STX8: variants seen among roughly 807,000 people sequenced by gnomAD.
STX8 encodes the protein syntaxin 8.
STX8 carries 23 observed loss-of-function variants against 37.5 expected under a neutral mutation model. The ratio of observed to expected loss-of-function variants is 0.61; its 90% CI spans 0.44 to 0.87. STX8 has a LOEUF of 0.87. Among genes scored for constraint, STX8 ranks in the 40% least tolerant of loss-of-function variants. The pLI, the probability that STX8 is intolerant of heterozygous loss-of-function variation, is 0.00. For synonymous variants in STX8, 115 were observed against 99.1 expected, an observed-to-expected ratio of 1.16 and a Z score of -0.95; for missense variants, 313 against 284.7, an observed-to-expected ratio of 1.10 and a Z score of -0.71.
intron 5 of STX8, among the ~76,000 whole-genome samples, 160 bp from the exon 6 acceptor site, chr17:9,492,081 C>A (rs111617739): frequency 0.016 from 2,365 of 152,142 alleles, 58 homozygotes; most frequent in African/African-American, 0.053. Flanking sequence ...AAACTAAACA[C>A]CTACCTGACA....
chr17:9,255,557 T>TATAA (rs35589958), intron 7 of STX8, among the ~76,000 whole-genome samples: 56,009 of 109,406 alleles, frequency 0.51, 13,013 homozygotes, highest in Non-Finnish European at 0.65. Context: ...TAAATAAATA[T>TATAA]ATAAATAAAT....
chr17:9,365,859 G>T (rs1911213913), intron 7 of STX8, among the ~76,000 whole-genome samples: 1 of 152,214 alleles, frequency 6.6e-6, no homozygotes, highest in Non-Finnish European at 1.5e-5. Context: ...TGTAACCCCA[G>T]CTACTCAGGA....
Position 9,546,590 on chromosome 17 carries a change from GGTTTTTT to G in STX8, c.213-1315_213-1309del, listed in dbSNP as rs1239158416. ...CTTTCTTGATGCAAACTACAAAAGTGGTTTTTTTTTTTTTTTTTTTTTTTTGGAGACG... is the reference window on the plus strand; with the variant it reads ...CTTTCTTGATGCAAACTACAAAAGTGTTTTTTTTTTTTTTTTTTGGAGACG... On this transcript the variant is annotated intron_variant, in intron 3 of 7. Coordinates refer to ENST00000306357, the MANE Select transcript of STX8 (RefSeq NM_004853.3). Among the ~76,000 whole-genome samples, 408 of 62,226 alleles carry G rather than the reference GGTTTTTT, an allele frequency of 6.6e-3. 6 individuals carry two copies. The highest frequency in any genetic ancestry group is 0.042 in the East Asian group (67 of 1,600). 40.8% of individuals were successfully genotyped at this position (62,226 alleles called of 152,430 possible).
At chr17:9,472,575 G>C (rs1415383962) in intron 6 of STX8, among the ~76,000 whole-genome samples, 1 of 152,234 alleles carries the variant, frequency 6.6e-6, no homozygotes, top group Non-Finnish European at 1.5e-5. Flanking sequence ...TTGCATCTGT[G>C]ATTACTTTGG....
At chr17:9,349,316 CTTTT>C (rs61627405) in intron 7 of STX8, among the ~76,000 whole-genome samples, 21 of 109,768 alleles carry the variant, frequency 1.9e-4, no homozygotes, top group African/African-American at 5.8e-4. Context: ...ATTTTCTTTT[CTTTT>C]TTTTTTTTTT....
At position 9,574,586 on chromosome 17, in the gene STX8, G is replaced by A. The variant is rs141094888; in HGVS notation, c.17+1206C>T. On this transcript the variant is annotated intron_variant, in intron 1 of 7. Transcript: ENST00000306357. ...TTTCGCTCGTGTTGCCCAGGCTGGA[G>A]TGCAATGGCACGATCTCAGCTCACC... Among the ~76,000 whole-genome samples, 817 of 151,692 alleles carry A rather than the reference G, an allele frequency of 5.4e-3. 7 individuals carry two copies. The highest frequency in any genetic ancestry group is 0.023 in the Admixed American group (356 of 15,220).
At chr17:9,289,764 A>G (rs952976572) in intron 7 of STX8, among the ~76,000 whole-genome samples, 13 of 151,402 alleles carry the variant, frequency 8.6e-5, no homozygotes, top group Non-Finnish European at 1.3e-4. Context: ...TGGGTGACAG[A>G]GCAAGACTCC....
intron 6 of STX8, 100 bp downstream of exon 6, chr17:9,491,729 C>A: frequency 9.9e-7 from 1 of 1,007,852 alleles, no homozygotes; most frequent in South Asian, 1.6e-5. Context: ...GACATTAAAC[C>A]ACTTTACATG....
At chr17:9,275,548 T>C (rs1259632103) in intron 7 of STX8, among the ~76,000 whole-genome samples, 1 of 152,182 alleles carries the variant, frequency 6.6e-6, no homozygotes, top group Non-Finnish European at 1.5e-5. Context: ...GAGCCAGCCA[T>C]TTAACCCATC....
chr17:9,270,817 T>C (rs536822057), intron 7 of STX8, among the ~76,000 whole-genome samples: 1 of 152,346 alleles, frequency 6.6e-6, no homozygotes, highest in African/African-American at 2.4e-5. Flanking sequence ...ATTAGTGATA[T>C]GAATTTAAAA....
intron 7 of STX8, among the ~76,000 whole-genome samples, chr17:9,291,464 T>C (rs1908310234): frequency 6.7e-6 from 1 of 149,346 alleles, no homozygotes. Flanking sequence ...AAAAAAAGTA[T>C]GTTTCTTTCC....
At chr17:9,318,337 A>G (rs1279166486) in intron 7 of STX8, among the ~76,000 whole-genome samples, 2 of 150,260 alleles carry the variant, frequency 1.3e-5, no homozygotes, top group African/African-American at 2.5e-5. Flanking sequence ...AGTAATTCTG[A>G]TAACAGAAGA....
intron 7 of STX8, among the ~76,000 whole-genome samples, chr17:9,341,345 T>C (rs1333836577): frequency 6.6e-6 from 1 of 152,184 alleles, no homozygotes; most frequent in Non-Finnish European, 1.5e-5. Flanking sequence ...CTTCCAAAGA[T>C]ACATATATTC....
chr17:9,530,180 G>A (rs186330815), intron 4 of STX8, among the ~76,000 whole-genome samples: 3 of 151,918 alleles, frequency 2.0e-5, no homozygotes, highest in East Asian at 1.9e-4. Flanking sequence ...GTGCAGTGAC[G>A]GGCGCCTGTA....
chr17:9,415,280 A>C (rs73973735), intron 6 of STX8, among the ~76,000 whole-genome samples: 20,109 of 151,956 alleles, frequency 0.13, 4,189 homozygotes, highest in African/African-American at 0.45. Flanking sequence ...TGTGTCATAA[A>C]CTAATTATAA....
chr17:9,430,851 A>G (rs34667645), intron 6 of STX8, among the ~76,000 whole-genome samples: 27,083 of 152,034 alleles, frequency 0.18, 2,976 homozygotes, highest in Middle Eastern at 0.27. Context: ...GGATTTCACC[A>G]TGTTAGCCAG....
At chr17:9,464,227 G>C (rs1212128761) in intron 6 of STX8, among the ~76,000 whole-genome samples, 1 of 152,206 alleles carries the variant, frequency 6.6e-6, no homozygotes, top group African/African-American at 2.4e-5. Flanking sequence ...AGTTGCTTTA[G>C]AAAGAAACAT....
chr17:9,303,289 CAAATAAAT>C (rs552781043), intron 7 of STX8, among the ~76,000 whole-genome samples: 225 of 152,192 alleles, frequency 1.5e-3, no homozygotes, highest in Middle Eastern at 3.4e-3. Flanking sequence ...GACTCTGTCT[CAAATAAAT>C]AAATAAATAA....
intron 6 of STX8, among the ~76,000 whole-genome samples, chr17:9,400,612 T>G (rs899496586): frequency 3.3e-5 from 5 of 151,664 alleles, no homozygotes; most frequent in African/African-American, 1.2e-4. Context: ...ACCATGTTGG[T>G]CAGGCTGGTC....
Sources: allele counts gnomAD v4.1 joint callset (sites outside exome capture counted in the v4.1 genomes callset), GRCh38; gene constraint gnomAD v4.1.1; transcripts MANE v1.5; gene names NCBI Gene and HGNC (gene_info 2026-07-23, HGNC 2026-07-21).